The following DNAH8 variants were observed in gnomAD, a reference collection of about 807,000 sequenced individuals.
The protein encoded by DNAH8 is axonemal beta dynein heavy chain 8.
DNAH8 carries 382 observed loss-of-function variants against 562.1 expected under a neutral mutation model. That is an observed-to-expected ratio of 0.68 (90% CI 0.63 to 0.74). DNAH8 has a LOEUF of 0.74. DNAH8 is among the 30% of genes least tolerant of loss of function. The pLI, the probability that DNAH8 is intolerant of heterozygous loss-of-function variation, is 0.00. For synonymous variants in DNAH8, 1,881 were observed against 1,919.4 expected (o/e 0.98, Z 0.52); for missense variants, 5,203 against 5,620.4 (o/e 0.93, Z 2.37).
intron 26 of DNAH8, among the ~76,000 whole-genome samples, chr6:38,817,974 C>A (rs1051996733): frequency 1.3e-5 from 2 of 151,940 alleles, no homozygotes; most frequent in East Asian, 1.9e-4. Flanking sequence ...ATAAACAGTT[C>A]TTTTAAATAT....
intron 17 of DNAH8, among the ~76,000 whole-genome samples, chr6:38,786,095 G>T (rs573984141): frequency 6.6e-6 from 1 of 152,294 alleles, no homozygotes; most frequent in Admixed American, 6.5e-5. Context: ...AGTTCTTCAT[G>T]TTAAGCTAAC....
intron 35 of DNAH8, among the ~76,000 whole-genome samples, chr6:38,843,638 A>G (rs1775027642): frequency 6.6e-6 from 1 of 151,444 alleles, no homozygotes; most frequent in African/African-American, 2.4e-5. Context: ...CTCCAAATTA[A>G]ACATAAAGAT....
chr6:38,819,860 AT>A (rs971658620), intron 26 of DNAH8, among the ~76,000 whole-genome samples: 1 of 152,060 alleles, frequency 6.6e-6, no homozygotes, highest in African/African-American at 2.4e-5. Flanking sequence ...AGAAACACAG[AT>A]TTTTTTTATT....
intron 10 of DNAH8, among the ~76,000 whole-genome samples, chr6:38,757,621 C>T (rs1231106316): frequency 6.6e-6 from 1 of 152,146 alleles, no homozygotes; most frequent in East Asian, 1.9e-4. Flanking sequence ...AATGGTATTG[C>T]CTAGGTTTTC....
At chr6:38,844,775 G>C (rs1775145761) in intron 35 of DNAH8, among the ~76,000 whole-genome samples, 1 of 152,114 alleles carries the variant, frequency 6.6e-6, no homozygotes, top group Non-Finnish European at 1.5e-5. Context: ...CTAAAGGAAG[G>C]CTTCCCTTCA....
At chr6:38,807,492 G>A in intron 23 of DNAH8, 118 bp from the exon 24 acceptor site, 1 of 432,090 alleles carries the variant, frequency 2.3e-6, no homozygotes, top group Middle Eastern at 3.1e-4. Context: ...CATTGAAATT[G>A]TATAGTTTAT....
intron 62 of DNAH8, among the ~76,000 whole-genome samples, chr6:38,902,457 C>T (rs1780141303): frequency 1.3e-5 from 2 of 152,182 alleles, no homozygotes; most frequent in South Asian, 4.1e-4. Flanking sequence ...ATTATTCAAA[C>T]TAGCAAATCC....
rs111917060 is a variant in DNAH8, at chr6:38,815,588, G to A, written c.3454G>A (p.Val1152Ile). The change falls in exon 26 of 93, where the codon GTC becomes ATC. Residue 1152 changes from valine to isoleucine, a missense_variant. This residue lies in a region of DNAH8 where 2,176 missense variants were observed against 2,365.1 expected (regional missense o/e 0.92). Transcript: ENST00000327475. ...ACAGCAAATCCGTCCCATCAAGTCT[G>A]TCATTCCCAGCCCCACCACTACTGA... ...GQQQIRPIKSVIPSPTTTDVT... is the reference protein window; with the variant it reads ...GQQQIRPIKSIIPSPTTTDVT... 1 of 1,613,980 alleles carries A rather than the reference G, an allele frequency of 6.2e-7. No individual in the cohort carries two copies. Among genetic ancestry groups the A allele is most frequent in the South Asian group, 1.1e-5 (1 of 91,064 alleles).
chr6:38,861,619 G>A (rs775649191), intron 43 of DNAH8, among the ~76,000 whole-genome samples: 4 of 152,100 alleles, frequency 2.6e-5, no homozygotes, highest in Non-Finnish European at 4.4e-5. Context: ...GTGCAGTGGC[G>A]CGATCTTGGC....
rs1738208 is a variant in DNAH8, at chr6:38,826,036, C to T, written c.3848-120C>T. On this transcript the variant is annotated intron_variant, in intron 28 of 92. Coordinates refer to ENST00000327475, the MANE Select transcript of DNAH8 (RefSeq NM_001206927.2). ...CATGTAATTCATACTAACCACATTT[C>T]AAGTGTTCAAAAGCCACATGTGGTT... 98,686 of 630,762 alleles carry T rather than the reference C, an allele frequency of 0.16. 8,664 individuals carry two copies. Among genetic ancestry groups the T allele is most frequent in the East Asian group, 0.3 (10,674 of 35,614 alleles). The allele number at this position is 630,762 out of a possible 1,614,324, so 39.1% of individuals were successfully genotyped here.
At position 39,012,551 on chromosome 6, in the gene DNAH8, T is replaced by C; in HGVS notation, c.13628T>C (p.Leu4543Pro). The C allele has an allele frequency of 6.2e-7, 1 of 1,614,022 alleles. No individual in the cohort carries two copies. Among genetic ancestry groups the C allele is most frequent in the Non-Finnish European group, 8.5e-7 (1 of 1,179,874 alleles). The change falls in exon 91 of 93, where the codon CTT becomes CCT. Residue 4543 changes from leucine (L) to proline (P), a missense_variant. This residue lies in a region of DNAH8 where 1,399 missense variants were observed against 1,518.4 expected (regional missense o/e 0.92). Transcript: ENST00000327475. ...ACACTGGGCTTCTGGTTCACTGAAC[T>C]TTTGGAAAGAAATGCTCAGTTTTCT... ...SSTLGFWFTELLERNAQFSTW... is the reference protein window; with the variant it reads ...SSTLGFWFTEPLERNAQFSTW...
At chr6:38,777,331 G>C (rs1367575299) in intron 13 of DNAH8, among the ~76,000 whole-genome samples, 1 of 151,974 alleles carries the variant, frequency 6.6e-6, no homozygotes, top group Non-Finnish European at 1.5e-5. Flanking sequence ...TGTTATAAAG[G>C]CTTTATTGTG....
At chr6:38,819,423 T>A (rs1049129984) in intron 26 of DNAH8, among the ~76,000 whole-genome samples, 11 of 152,196 alleles carry the variant, frequency 7.2e-5, no homozygotes, top group African/African-American at 2.4e-4. Context: ...TTATTTAATA[T>A]ACATTTTACC....
chr6:38,853,059 AT>A, intron 40 of DNAH8, 126 bp from the exon 41 acceptor site: 1 of 757,216 alleles, frequency 1.3e-6, no homozygotes, highest in Non-Finnish European at 2.1e-6. Context: ...CATATTTAAA[AT>A]ATTTTGTATA....
chr6:38,944,276 GT>G (rs1783677015), intron 79 of DNAH8, among the ~76,000 whole-genome samples: 1 of 152,150 alleles, frequency 6.6e-6, no homozygotes, highest in Admixed American at 6.5e-5. Context: ...TTTACACATT[GT>G]TCTAAAGGTG....
At chr6:38,744,517 T>C (rs1411728898) in intron 8 of DNAH8, 1 of 152,196 alleles carries the variant, frequency 6.6e-6, no homozygotes, top group Non-Finnish European at 1.5e-5. Context: ...CATATTTCTT[T>C]TGTGAATTTT....
At chr6:38,787,235 A>C (rs1769253931) in intron 18 of DNAH8, among the ~76,000 whole-genome samples, 1 of 152,100 alleles carries the variant, frequency 6.6e-6, no homozygotes, top group Non-Finnish European at 1.5e-5. Flanking sequence ...AATTTTATAG[A>C]TCTTGTGCAT....
chr6:38,738,635 A>C (rs1764292186), intron 7 of DNAH8, among the ~76,000 whole-genome samples: 1 of 152,186 alleles, frequency 6.6e-6, no homozygotes, highest in African/African-American at 2.4e-5. Flanking sequence ...TAAACAAGAA[A>C]ATCTTCAGTT....
chr6:38,809,988 T>C (rs1360598240), intron 24 of DNAH8, among the ~76,000 whole-genome samples: 2 of 152,226 alleles, frequency 1.3e-5, no homozygotes, highest in African/African-American at 4.8e-5. Context: ...GTCTCTTTAC[T>C]TAAGCCTTTC....
Sources: allele counts gnomAD v4.1 joint callset (sites outside exome capture counted in the v4.1 genomes callset), GRCh38; gene constraint gnomAD v4.1.1; regional missense constraint gnomAD v4.1.1; transcripts MANE v1.5; gene names NCBI Gene and HGNC (gene_info 2026-07-23, HGNC 2026-07-21).